The following MICAL2 variants were observed in gnomAD, a reference collection of about 807,000 sequenced individuals.
MICAL2 encodes the protein microtubule associated monooxygenase, calponin and LIM domain containing 2, also known as [F-actin]-monooxygenase MICAL2.
A neutral mutation model predicts 127.3 loss-of-function variants in MICAL2; 77 were observed. The observed-to-expected ratio is 0.60, with a 90% confidence interval of 0.50 to 0.73. The LOEUF is 0.73. MICAL2 is among the 30% of genes least tolerant of loss of function. MICAL2 has a pLI of 0.00. For synonymous variants in MICAL2, 570 were observed against 551.1 expected (o/e 1.03, Z -0.48); for missense variants, 1,351 against 1,434.4 (o/e 0.94, Z 0.94).
intron 7 of MICAL2, among the ~76,000 whole-genome samples, 198 bp from the exon 8 acceptor site, chr11:12,216,021 A>G (rs1260437991): frequency 6.6e-6 from 1 of 152,204 alleles, no homozygotes; most frequent in Non-Finnish European, 1.5e-5. Context: ...CTATAGAACT[A>G]TAGAAGCTAG....
intron 30 of MICAL2, chr11:12,319,865 A>G (rs961969757): frequency 2.9e-6 from 4 of 1,392,036 alleles, no homozygotes; most frequent in African/African-American, 2.8e-5. Context: ...GCTGCTTACC[A>G]TCCAGATTTC....
intron 3 of MICAL2, among the ~76,000 whole-genome samples, chr11:12,201,502 C>T (rs1025401487): frequency 6.6e-6 from 1 of 151,762 alleles, no homozygotes; most frequent in Non-Finnish European, 1.5e-5. Flanking sequence ...CCTTGCCTGA[C>T]GCCTTGCTGG....
At chr11:12,111,442 A>C (rs1849599513) in intron 1 of MICAL2, among the ~76,000 whole-genome samples, 1 of 152,246 alleles carries the variant, frequency 6.6e-6, no homozygotes, top group South Asian at 2.1e-4. Context: ...TCTTGCCCAC[A>C]GCGTCTAAGC....
At chr11:12,257,882 A>T (rs1862537577) in intron 24 of MICAL2, among the ~76,000 whole-genome samples, 1 of 152,148 alleles carries the variant, frequency 6.6e-6, no homozygotes, top group Non-Finnish European at 1.5e-5. Context: ...GCAGTTTCCC[A>T]GTGCGTGCCC....
intron 29 of MICAL2, among the ~76,000 whole-genome samples, chr11:12,317,787 G>A (rs1354989994): frequency 2.5e-5 from 3 of 120,784 alleles, no homozygotes; most frequent in African/African-American, 7.9e-5. Flanking sequence ...GCAAGACTCC[G>A]TCTCAAAAAA....
At chr11:12,249,377 G>C in intron 22 of MICAL2, 131 bp downstream of exon 22, 1 of 628,384 alleles carries the variant, frequency 1.6e-6, no homozygotes, top group South Asian at 1.9e-5. Context: ...GGGGACGAAG[G>C]TGGGCAGACA....
chr11:12,188,491 G>T (rs190587459), intron 3 of MICAL2, among the ~76,000 whole-genome samples: 1 of 152,136 alleles, frequency 6.6e-6, no homozygotes, highest in Non-Finnish European at 1.5e-5. Flanking sequence ...GGCCGGGGAA[G>T]CTGCTGAACA....
chr11:12,180,638 T>A (rs991513715), intron 3 of MICAL2, among the ~76,000 whole-genome samples: 1 of 152,108 alleles, frequency 6.6e-6, no homozygotes, highest in African/African-American at 2.4e-5. Context: ...TGTGGGGTAA[T>A]AAGGGCTGGG....
chr11:12,287,456 G>C (rs1053989241), downstream of MICAL2: 5 of 260,606 alleles, frequency 1.9e-5, no homozygotes, highest in Middle Eastern at 1.1e-3. Flanking sequence ...AGCCATCATT[G>C]CCTCTAAGCT....
intron 32 of MICAL2, among the ~76,000 whole-genome samples, chr11:12,342,489 G>A (rs1044329228): frequency 6.6e-6 from 1 of 152,214 alleles, no homozygotes; most frequent in Non-Finnish European, 1.5e-5. Flanking sequence ...CAAGGCAGGG[G>A]TTATACTCTA....
At chr11:12,329,286 T>A (rs997043962) in intron 32 of MICAL2, among the ~76,000 whole-genome samples, 18 of 152,236 alleles carry the variant, frequency 1.2e-4, no homozygotes, top group African/African-American at 4.1e-4. Flanking sequence ...TCTCTACAGC[T>A]GCTGTGGGAC....
chr11:12,122,145 A>G (rs1463708696), intron 1 of MICAL2, among the ~76,000 whole-genome samples: 1 of 152,226 alleles, frequency 6.6e-6, no homozygotes, highest in Admixed American at 6.5e-5. Context: ...CCACACACAT[A>G]CTATCTCTGA....
intron 32 of MICAL2, among the ~76,000 whole-genome samples, chr11:12,341,114 T>A (rs976652417): frequency 1.3e-5 from 2 of 152,054 alleles, no homozygotes; most frequent in Non-Finnish European, 2.9e-5. Flanking sequence ...GTGCATGAGC[T>A]CCAGAGTGGA....
At chr11:12,339,197 A>G (rs760339762) in intron 32 of MICAL2, among the ~76,000 whole-genome samples, 7 of 151,744 alleles carry the variant, frequency 4.6e-5, no homozygotes, top group Non-Finnish European at 1.0e-4. Context: ...CATTTCATTC[A>G]TTTCATCTTT....
intron 5 of MICAL2, chr11:12,208,476 C>T (rs1855009158): frequency 4.1e-6 from 1 of 242,314 alleles, no homozygotes; most frequent in Non-Finnish European, 8.1e-6. Context: ...GTTCTTCAAG[C>T]TGTGTGTGTG....
At chr11:12,253,468 C>G (rs796230659) in intron 22 of MICAL2, 10 of 152,254 alleles carry the variant, frequency 6.6e-5, no homozygotes, top group African/African-American at 2.4e-4. Flanking sequence ...CAGGCTAGGG[C>G]AGGCTGAATC....
At chr11:12,231,519 C>T (rs1274528461) in intron 15 of MICAL2, among the ~76,000 whole-genome samples, 1 of 152,240 alleles carries the variant, frequency 6.6e-6, no homozygotes, top group Non-Finnish European at 1.5e-5. Context: ...GGTGCCTCTT[C>T]CTTCCATCTA....
chr11:12,215,332 G>A (rs1451582398), intron 7 of MICAL2, among the ~76,000 whole-genome samples: 1 of 152,098 alleles, frequency 6.6e-6, no homozygotes, highest in Non-Finnish European at 1.5e-5. Context: ...CTATTTAACC[G>A]TAATAAAGGT....
At chr11:12,297,363 T>A (rs1863997831) in intron 29 of MICAL2, among the ~76,000 whole-genome samples, 1 of 152,180 alleles carries the variant, frequency 6.6e-6, no homozygotes. Context: ...TCCAGTTTTC[T>A]ATTGGTTTGT....
Sources: gnomAD v4.1 joint callset for allele counts (sites outside exome capture counted in the v4.1 genomes callset) on GRCh38, gnomAD v4.1.1 for gene constraint, MANE v1.5 for transcripts, NCBI Gene and HGNC (gene_info 2026-07-23, HGNC 2026-07-21) for gene names.